Variants in ZFHX4 observed in about 807,000 individuals in gnomAD.
The protein encoded by ZFHX4 is zinc finger homeobox 4.
ZFHX4 carries 56 observed loss-of-function variants against 267.6 expected under a neutral mutation model. The ratio of observed to expected loss-of-function variants is 0.21; its 90% confidence interval spans 0.17 to 0.26. The LOEUF is 0.26. Ranked by LOEUF, ZFHX4 falls within the 10% of genes least tolerant of loss-of-function variation. The probability of loss-of-function intolerance (pLI) is 1.00; values close to 1 mark genes in which losing one functional copy is unlikely to be tolerated. For synonymous variants in ZFHX4, 1,778 were observed against 1,665.6 expected, an observed-to-expected ratio of 1.07 and a Z score of -1.64; for missense variants, 4,332 against 4,420.0, an observed-to-expected ratio of 0.98 and a Z score of 0.56.
chr8:76,863,171 G>A lies in ZFHX4; in HGVS notation c.9457G>A (p.Ala3153Thr), dbSNP rs2131980236. Reference sequence around the variant, plus strand: ...GTCTCCTGCCCTGTCTCTCAGCAGTGCCCCCACCAAACCTTTGCTGCAGAC... The same window carrying A: ...GTCTCCTGCCCTGTCTCTCAGCAGTACCCCCACCAAACCTTTGCTGCAGAC... ...TSSPALSLSS[A>T]PTKPLLQTPP... Residue 3153 changes from alanine (A) to threonine (T), a missense_variant, in exon 11 of 11, where the codon GCC (alanine) becomes ACC (threonine). Transcript: ENST00000651372. 4.5e-6 allele frequency: 7 copies of A among 1,555,072 alleles called. No homozygotes were observed. The highest frequency in any genetic ancestry group is 6.1e-6 in the Non-Finnish European group (7 of 1,148,924).
chr8:76,754,446 G>A lies in ZFHX4; in HGVS notation c.3094-23762G>A, dbSNP rs548280268. 1.8e-4 allele frequency among the ~76,000 whole-genome samples: 28 copies of A among 151,900 alleles called. No individual in the cohort carries two copies. In the East Asian group the frequency reaches 4.1e-3, roughly 22 times the overall value. ...GGTGGTTGTAGTGAGCCCAGATTGCGCCACTGCACTCCAGGCTGGGCAACA... is the reference window on the plus strand; with the variant it reads ...GGTGGTTGTAGTGAGCCCAGATTGCACCACTGCACTCCAGGCTGGGCAACA... On this transcript the variant is annotated intron_variant, in intron 3 of 10. Transcript: ENST00000651372.
chr8:76,846,853 GC>G (rs1812377775), intron 6 of ZFHX4, among the ~76,000 whole-genome samples: 2 of 152,134 alleles, frequency 1.3e-5, no homozygotes, highest in South Asian at 4.2e-4. Flanking sequence ...GATCCAAAGG[GC>G]CTGCAAGCAA....
At chr8:76,780,214 A>G (rs551207547) in intron 4 of ZFHX4, among the ~76,000 whole-genome samples, 9 of 152,162 alleles carry the variant, frequency 5.9e-5, no homozygotes, top group African/African-American at 2.2e-4. Flanking sequence ...CAAATCTTCT[A>G]TTTTTTGTTT....
chr8:76,853,286 ACTT>A lies in ZFHX4; in HGVS notation c.6369_6371del (p.Phe2123del). 3 of 1,607,496 alleles carry A rather than the reference ACTT, an allele frequency of 1.9e-6. No individual in the cohort carries two copies. Among genetic ancestry groups the A allele is most frequent in the Non-Finnish European group, 2.5e-6 (3 of 1,176,606 alleles). ...CAGCAGCAGCTCGGATTAGATCCCAACTTCTTAAGACATTCTCAGTTCAAACGC... is the reference window on the plus strand; with the variant it reads ...CAGCAGCAGCTCGGATTAGATCCCAACTTAAGACATTCTCAGTTCAAACGC... On this transcript the variant is annotated inframe_deletion, in exon 10 of 11. Transcript: ENST00000651372.
In ZFHX4 at chr8:76,855,809, G is replaced by A; in HGVS notation, c.8888G>A (p.Gly2963Glu). The change falls in exon 10 of 11, where the codon GGG becomes GAG. Residue 2963 changes from glycine to glutamate, a missense_variant. Physicochemically the swap from Gly to Glu is moderately conservative, Grantham distance 98. Transcript: ENST00000651372. ...TPTMQECEML[G>E]NEIGLPKRVV... ...ACCATGCAAGAATGTGAAATGTTAG[G>A]GAATGAGATTGGTCTGCCCAAACGC... The A allele has an allele frequency of 6.2e-7, 1 of 1,613,920 alleles. No individual in the cohort carries two copies. The highest frequency in any genetic ancestry group is 1.1e-5 in the South Asian group (1 of 91,076).
chr8:76,778,484 C>A, intron 4 of ZFHX4, 45 bp downstream of exon 4: 1 of 1,385,786 alleles, frequency 7.2e-7, no homozygotes, highest in Non-Finnish European at 1.0e-6. Context: ...CCCTCCACAC[C>A]ACTTCATCAC....
chr8:76,781,686 A>T (rs995227571), intron 4 of ZFHX4, among the ~76,000 whole-genome samples: 1 of 152,082 alleles, frequency 6.6e-6, no homozygotes, highest in African/African-American at 2.4e-5. Context: ...ATTTCTAGTG[A>T]TATTTAAATG....
Position 76,855,923 on chromosome 8 carries a change from G to A in ZFHX4, c.9002G>A (p.Gly3001Glu), listed in dbSNP as rs775483953. The change falls in exon 10 of 11, where the codon GGA (glycine) becomes GAA (glutamate). Residue 3001 changes from glycine to glutamate, a missense_variant. Gly to Glu is a moderately conservative substitution (Grantham distance 98). Coordinates refer to ENST00000651372, the MANE Select transcript of ZFHX4 (RefSeq NM_024721.5). ...IGKPFMINQG[G>E]TEGTKPECTL... Reference sequence around the variant, plus strand: ...AAGCCTTTCATGATCAATCAAGGCGGAACGGAAGGCACCAAACCAGAGTGT... The same window carrying A: ...AAGCCTTTCATGATCAATCAAGGCGAAACGGAAGGCACCAAACCAGAGTGT... 2.5e-6 allele frequency: 4 copies of A among 1,613,896 alleles called. No homozygotes were observed. In the East Asian group the frequency reaches 6.7e-5, roughly 27 times the overall value.
At chr8:76,751,689 T>G (rs533591629) in intron 3 of ZFHX4, among the ~76,000 whole-genome samples, 1 of 152,308 alleles carries the variant, frequency 6.6e-6, no homozygotes, top group Admixed American at 6.5e-5. Flanking sequence ...GGTAAACACC[T>G]TAGCCAGAAA....
At chr8:76,846,478 A>G (rs965518305) in intron 6 of ZFHX4, among the ~76,000 whole-genome samples, 1 of 152,100 alleles carries the variant, frequency 6.6e-6, no homozygotes, top group Non-Finnish European at 1.5e-5. Flanking sequence ...GCATAACTGT[A>G]TTGAATACTA....
intron 3 of ZFHX4, among the ~76,000 whole-genome samples, chr8:76,721,227 T>A (rs1808713611): frequency 6.6e-6 from 1 of 152,196 alleles, no homozygotes; most frequent in South Asian, 2.1e-4. Context: ...TAGTTCTTTA[T>A]AAAGTCTGAA....
rs1812604662 is a variant in ZFHX4, at chr8:76,853,399, C to A, written c.6478C>A (p.Gln2160Lys). The A allele has an allele frequency of 6.2e-7, 1 of 1,613,710 alleles. No individual in the cohort carries two copies. The highest frequency in any genetic ancestry group is 1.1e-5 in the South Asian group (1 of 91,090). Residue 2160 changes from glutamine (Q) to lysine (K), a missense_variant, in exon 10 of 11, where the codon CAG becomes AAG. Coordinates refer to ENST00000651372, the MANE Select transcript of ZFHX4 (RefSeq NM_024721.5). ...TAATTCTCCAAGTGAAGAACAGATC[C>A]AGGAAATGGCAGAGAAATCTGGCCT... ...INNSPSEEQI[Q>K]EMAEKSGLSQ...
At chr8:76,811,025 G>A (rs1811363903) in intron 4 of ZFHX4, among the ~76,000 whole-genome samples, 1 of 152,094 alleles carries the variant, frequency 6.6e-6, no homozygotes, top group South Asian at 2.1e-4. Context: ...TCACCTGGTG[G>A]GAAGCAGTAT....
At chr8:76,759,997 C>T (rs942092693) in intron 3 of ZFHX4, among the ~76,000 whole-genome samples, 2 of 152,120 alleles carry the variant, frequency 1.3e-5, no homozygotes, top group Non-Finnish European at 2.9e-5. Flanking sequence ...TAGATATGGT[C>T]ATTCAGTGCC....
At chr8:76,829,554 T>C (rs1763898617) in intron 4 of ZFHX4, among the ~76,000 whole-genome samples, 1 of 152,116 alleles carries the variant, frequency 6.6e-6, no homozygotes, top group Admixed American at 6.6e-5. Context: ...TTCAAGCCTG[T>C]AATTCCAGCA....
At chr8:76,835,241 G>GTATATATATGTATATATATATATGTATA (rs1563549090) in intron 5 of ZFHX4, among the ~76,000 whole-genome samples, 1 of 42,636 alleles carries the variant, frequency 2.3e-5, no homozygotes, top group Non-Finnish European at 4.4e-5. Flanking sequence ...ATATATATAT[G>GTATATATATGTATATATATATATGTATA]TATATATATA....
In ZFHX4 at chr8:76,833,412, G is replaced by A. The variant is rs775240745; in HGVS notation, c.3394+6G>A. On this transcript the variant is annotated splice_donor_region_variant and intron_variant, in intron 5 of 10. Transcript: ENST00000651372. Reference sequence around the variant, plus strand: ...GCAGTTGAGATCGACCTCAGGTAATGGTTCCTACTCCTTCTCAAAATATTT... The same window carrying A: ...GCAGTTGAGATCGACCTCAGGTAATAGTTCCTACTCCTTCTCAAAATATTT... 6.3e-7 allele frequency: 1 copy of A among 1,598,676 alleles called. No individual in the cohort carries two copies. Among genetic ancestry groups the A allele is most frequent in the Non-Finnish European group, 8.5e-7 (1 of 1,170,922 alleles).
intron 3 of ZFHX4, among the ~76,000 whole-genome samples, chr8:76,771,674 A>G (rs1810267627): frequency 2.6e-5 from 4 of 152,042 alleles, no homozygotes; most frequent in Admixed American, 2.0e-4. Flanking sequence ...TCCTGATTTC[A>G]AGGTCCCAAA....
intron 4 of ZFHX4, among the ~76,000 whole-genome samples, chr8:76,829,300 A>G (rs1811867289): frequency 6.6e-6 from 1 of 151,352 alleles, no homozygotes; most frequent in Admixed American, 6.6e-5. Flanking sequence ...GTAGGAGCGG[A>G]AGATTTGCCA....
Sources: allele counts gnomAD v4.1 joint callset (sites outside exome capture counted in the v4.1 genomes callset), GRCh38; gene constraint gnomAD v4.1.1; transcripts MANE v1.5; gene names NCBI Gene and HGNC (gene_info 2026-07-23, HGNC 2026-07-21).